The following ACACA variants were observed in gnomAD, a reference collection of about 807,000 sequenced individuals.
The protein encoded by ACACA is acetyl-CoA carboxylase 1.
In ACACA, 103 loss-of-function variants were observed where a neutral mutation model predicts 296.1. The ratio of observed to expected loss-of-function variants is 0.35; its 90% CI spans 0.30 to 0.41. The LOEUF (loss-of-function observed/expected upper bound fraction) is 0.41, where lower values mean the gene tolerates loss of function less well. Ranked by LOEUF, ACACA falls within the 10% of genes least tolerant of loss-of-function variation. ACACA has a pLI of 1.00. For synonymous variants in ACACA, 953 were observed against 1,038.6 expected (o/e 0.92, Z 1.58); for missense variants, 1,554 against 2,989.7 (o/e 0.52, Z 11.20).
intron 29 of ACACA, among the ~76,000 whole-genome samples, chr17:37,212,381 G>A (rs913016149): frequency 6.6e-6 from 1 of 152,086 alleles, no homozygotes; most frequent in African/African-American, 2.4e-5. Context: ...CTCCTATAGA[G>A]AGCCCCCTGC....
intron 45 of ACACA, chr17:37,144,067 G>A: frequency 1.3e-6 from 1 of 765,236 alleles, no homozygotes. Context: ...AGGGACGTAG[G>A]TTTTCATTTC....
intron 1 of ACACA, among the ~76,000 whole-genome samples, chr17:37,354,601 C>A (rs775410454): frequency 2.0e-5 from 3 of 152,054 alleles, no homozygotes; most frequent in Non-Finnish European, 4.4e-5. Context: ...TAGATTCAAG[C>A]GAATACAGTA....
At chr17:37,284,749 T>C in intron 4 of ACACA, 89 bp downstream of exon 4, 2 of 1,570,490 alleles carry the variant, frequency 1.3e-6, no homozygotes, top group Non-Finnish European at 1.7e-6. Context: ...AAACTAAATA[T>C]CAATTGGGAG....
At chr17:37,204,886 T>C (rs1296765794) in intron 33 of ACACA, among the ~76,000 whole-genome samples, 2 of 152,196 alleles carry the variant, frequency 1.3e-5, no homozygotes, top group South Asian at 2.1e-4. Context: ...GAAAATAACA[T>C]GGTAAGAGCA....
chr17:37,231,114 C>T (rs1055495321), intron 25 of ACACA, among the ~76,000 whole-genome samples: 1 of 152,022 alleles, frequency 6.6e-6, no homozygotes, highest in South Asian at 2.1e-4. Context: ...TGGCTCATGC[C>T]TGTAGTCCCA....
intron 1 of ACACA, among the ~76,000 whole-genome samples, chr17:37,372,276 G>A (rs1336933502): frequency 6.6e-6 from 1 of 151,968 alleles, no homozygotes; most frequent in Non-Finnish European, 1.5e-5. Context: ...AGCCAAGCGT[G>A]GTGGCGGGCA....
At chr17:37,370,587 G>A (rs558176457) in intron 1 of ACACA, among the ~76,000 whole-genome samples, 1 of 151,836 alleles carries the variant, frequency 6.6e-6, no homozygotes, top group East Asian at 1.9e-4. Context: ...AACCCGGGAG[G>A]TGGACGTTGC....
chr17:37,364,881 G>A (rs983019877), intron 1 of ACACA, among the ~76,000 whole-genome samples: 2 of 152,180 alleles, frequency 1.3e-5, no homozygotes, highest in African/African-American at 4.8e-5. Flanking sequence ...GTCCTTGGAA[G>A]TCCCATTTTC....
At chr17:37,186,896 GAAA>G (rs796067755) in intron 39 of ACACA, among the ~76,000 whole-genome samples, 1 of 123,998 alleles carries the variant, frequency 8.1e-6, no homozygotes, top group African/African-American at 3.0e-5. Context: ...TAAAGGAAAG[GAAA>G]AAAAAAAAAA....
intron 42 of ACACA, 133 bp from the exon 43 acceptor site, chr17:37,155,913 C>T (rs984637485): frequency 3.5e-5 from 24 of 691,748 alleles, no homozygotes; most frequent in Admixed American, 1.2e-4. Flanking sequence ...GGTTTACTGT[C>T]TAACAGAATA....
At chr17:37,231,218 TAA>T (rs777551834) in intron 25 of ACACA, among the ~76,000 whole-genome samples, 79 of 127,664 alleles carry the variant, frequency 6.2e-4, no homozygotes, top group Admixed American at 1.4e-3. Context: ...ATCTTTAATT[TAA>T]AAAAAAAAAA....
At chr17:37,178,498 C>T (rs185447989) in intron 41 of ACACA, among the ~76,000 whole-genome samples, 6 of 152,256 alleles carry the variant, frequency 3.9e-5, no homozygotes, top group African/African-American at 1.4e-4. Flanking sequence ...CAAAACAATA[C>T]TTTAAATGTT....
intron 1 of ACACA, among the ~76,000 whole-genome samples, chr17:37,401,064 T>A (rs1283943630): frequency 6.6e-6 from 1 of 152,214 alleles, no homozygotes; most frequent in African/African-American, 2.4e-5. Flanking sequence ...CGCTTTTTGA[T>A]AATAATCATT....
chr17:37,210,221 C>T (rs8081866), intron 30 of ACACA, among the ~76,000 whole-genome samples: 51,079 of 152,030 alleles, frequency 0.34, 10,870 homozygotes, highest in African/African-American at 0.59. Context: ...CCCTATCATA[C>T]ACAGCTAGAT....
chr17:37,352,078 C>T (rs2048931144), intron 1 of ACACA, among the ~76,000 whole-genome samples: 1 of 151,886 alleles, frequency 6.6e-6, no homozygotes, highest in South Asian at 2.1e-4. Flanking sequence ...CTACAGGCGC[C>T]TGCCACCACA....
At chr17:37,291,669 T>C (rs988765443) in intron 3 of ACACA, among the ~76,000 whole-genome samples, 2 of 152,142 alleles carry the variant, frequency 1.3e-5, no homozygotes, top group Admixed American at 1.3e-4. Context: ...CTTAGATCTT[T>C]GCTGCCCATG....
rs1268374038 is a variant in ACACA, at chr17:37,263,547, T to A, written c.1329+138A>T. ...TAGTGGGAGAACAGTAGAATTTTTT[T>A]TCTCTAAGAAAAGGATATAATTTTA... On this transcript the variant is annotated intron_variant, in intron 11 of 55. Coordinates refer to ENST00000616317, the MANE Select transcript of ACACA (RefSeq NM_198834.3). The A allele has an allele frequency of 5.7e-5, 44 of 775,224 alleles. No individual in the cohort carries two copies. In the East Asian group the frequency reaches 1.1e-3, roughly 20 times the overall value. 48.0% of individuals were successfully genotyped at this position (775,224 alleles called of 1,614,324 possible).
intron 3 of ACACA, among the ~76,000 whole-genome samples, chr17:37,305,977 C>T (rs757241957): frequency 1.4e-5 from 2 of 140,318 alleles, no homozygotes; most frequent in Non-Finnish European, 3.0e-5. Flanking sequence ...GGCACTATCT[C>T]GGCTCACTGC....
At chr17:37,211,516 A>G (rs992030587) in intron 29 of ACACA, among the ~76,000 whole-genome samples, 3 of 152,222 alleles carry the variant, frequency 2.0e-5, no homozygotes, top group African/African-American at 7.2e-5. Flanking sequence ...GGGGCATTGT[A>G]AGGGGGCTGA....
Sources: allele counts gnomAD v4.1 joint callset (sites outside exome capture counted in the v4.1 genomes callset), GRCh38; gene constraint gnomAD v4.1.1; transcripts MANE v1.5; gene names NCBI Gene and HGNC (gene_info 2026-07-23, HGNC 2026-07-21).